Variants in DLG2 observed in about 807,000 individuals in gnomAD.
The protein encoded by DLG2 is disks large homolog 2.
A neutral mutation model predicts 132.5 loss-of-function variants in DLG2; 45 were observed. The ratio of observed to expected loss-of-function variants is 0.34; its 90% CI spans 0.27 to 0.44. The LOEUF is 0.44. Among genes scored for constraint, DLG2 ranks in the 20% least tolerant of loss-of-function variants. DLG2 has a pLI of 1.00. For synonymous variants in DLG2, 424 were observed against 419.6 expected, an observed-to-expected ratio of 1.01 and a Z score of -0.13; for missense variants, 1,045 against 1,196.9, an observed-to-expected ratio of 0.87 and a Z score of 1.87.
chr11:84,251,241 A>G lies in DLG2; in HGVS notation c.570T>C (p.Pro190=). Residue 190 remains proline, a synonymous_variant, in exon 8 of 28, where the codon CCT becomes CCC. Coordinates refer to ENST00000376104, the MANE Select transcript of DLG2 (RefSeq NM_001142699.3). ...TAGTAATGAAAAAGTTACTTACATAAGGAATTGTGTCCAAAGTATCTGTGT... is the reference window on the plus strand; with the variant it reads ...TAGTAATGAAAAAGTTACTTACATAGGGAATTGTGTCCAAAGTATCTGTGT... The part of the protein sequence containing the change: ...IVNTDTLDTI[P]YVNGTEIEYE... 2.5e-6 allele frequency: 4 copies of G among 1,580,796 alleles called. No individual in the cohort carries two copies. Among genetic ancestry groups the G allele is most frequent in the Non-Finnish European group, 3.4e-6 (4 of 1,166,490 alleles).
chr11:85,348,417 G>A (rs1307241832), intron 3 of DLG2, among the ~76,000 whole-genome samples: 1 of 151,604 alleles, frequency 6.6e-6, no homozygotes, highest in Admixed American at 6.6e-5. Flanking sequence ...TAGAGACAGG[G>A]TTTCATCATG....
intron 8 of DLG2, among the ~76,000 whole-genome samples, chr11:84,164,130 A>G (rs553428619): frequency 6.6e-6 from 1 of 152,212 alleles, no homozygotes; most frequent in Non-Finnish European, 1.5e-5. Flanking sequence ...TGAAATGCTT[A>G]GTGACGAATT....
At chr11:85,346,496 T>G (rs908103961) in intron 3 of DLG2, among the ~76,000 whole-genome samples, 1 of 152,128 alleles carries the variant, frequency 6.6e-6, no homozygotes, top group African/African-American at 2.4e-5. Context: ...CCAATTTTCT[T>G]AATTACTATA....
intron 15 of DLG2, among the ~76,000 whole-genome samples, chr11:83,900,426 A>C (rs574976461): frequency 2.0e-5 from 3 of 152,182 alleles, no homozygotes; most frequent in Admixed American, 1.3e-4. Flanking sequence ...CAGAGGCCAA[A>C]GAGAAAAAAG....
At chr11:83,606,891 C>T (rs1020982736) in intron 19 of DLG2, among the ~76,000 whole-genome samples, 7 of 152,004 alleles carry the variant, frequency 4.6e-5, no homozygotes, top group Non-Finnish European at 7.4e-5. Flanking sequence ...CGCGCCACTG[C>T]ACTCCAGCCT....
At chr11:84,119,967 A>G (rs1301356093) in intron 9 of DLG2, among the ~76,000 whole-genome samples, 1 of 152,200 alleles carries the variant, frequency 6.6e-6, no homozygotes, top group Non-Finnish European at 1.5e-5. Flanking sequence ...TGTAGGCAGC[A>G]TACTTTGCAT....
At chr11:84,499,610 A>G (rs546875432) in intron 7 of DLG2, among the ~76,000 whole-genome samples, 1 of 152,316 alleles carries the variant, frequency 6.6e-6, no homozygotes, top group East Asian at 1.9e-4. Flanking sequence ...AAAGATTAAC[A>G]GTTTTTACTT....
intron 17 of DLG2, among the ~76,000 whole-genome samples, chr11:83,819,693 AG>A (rs2050202288): frequency 1.3e-5 from 2 of 152,102 alleles, no homozygotes; most frequent in Non-Finnish European, 2.9e-5. Context: ...TTGGTCCATC[AG>A]GAAAGTTTCC....
chr11:84,296,945 G>T (rs1185080845), intron 7 of DLG2, among the ~76,000 whole-genome samples: 4 of 151,944 alleles, frequency 2.6e-5, no homozygotes, highest in Non-Finnish European at 5.9e-5. Flanking sequence ...TTAGAGAAAG[G>T]GTCAAGACCT....
intron 6 of DLG2, among the ~76,000 whole-genome samples, chr11:84,609,869 A>C (rs771416846): frequency 4.2e-4 from 64 of 152,188 alleles, no homozygotes; most frequent in Non-Finnish European, 6.2e-4. Flanking sequence ...AATTATCTAT[A>C]AGAATATAAT....
intron 19 of DLG2, among the ~76,000 whole-genome samples, chr11:83,606,689 A>G (rs1231377987): frequency 1.3e-5 from 2 of 151,710 alleles, no homozygotes; most frequent in Non-Finnish European, 2.9e-5. Flanking sequence ...GCACTTTGGG[A>G]GGCTGAGGCG....
At chr11:84,494,365 T>C (rs77908572) in intron 7 of DLG2, among the ~76,000 whole-genome samples, 4,847 of 152,222 alleles carry the variant, frequency 0.032, 215 homozygotes, top group African/African-American at 0.1. Context: ...CAAATACTAC[T>C]TTTGTCTAGG....
chr11:85,005,210 G>C (rs890629121), intron 6 of DLG2, among the ~76,000 whole-genome samples: 10 of 152,192 alleles, frequency 6.6e-5, no homozygotes, highest in Non-Finnish European at 1.0e-4. Context: ...GGCTATACAG[G>C]CTGTTGTTTG....
chr11:84,853,668 G>T (rs1180060242), intron 6 of DLG2, among the ~76,000 whole-genome samples: 1 of 151,916 alleles, frequency 6.6e-6, no homozygotes, highest in Non-Finnish European at 1.5e-5. Context: ...CATGACATTA[G>T]CAACAATCCT....
chr11:84,024,351 T>C (rs1255115926), intron 11 of DLG2, among the ~76,000 whole-genome samples: 1 of 152,156 alleles, frequency 6.6e-6, no homozygotes, highest in Non-Finnish European at 1.5e-5. Context: ...CCTAGCAGCA[T>C]CACAGGCAAA....
intron 18 of DLG2, among the ~76,000 whole-genome samples, chr11:83,719,282 G>A (rs2087678699): frequency 6.6e-6 from 1 of 152,206 alleles, no homozygotes; most frequent in Admixed American, 6.5e-5. Context: ...ACTATTAGCA[G>A]AAATGGAAGA....
chr11:85,047,191 C>T (rs2062430292), intron 6 of DLG2, among the ~76,000 whole-genome samples: 1 of 151,890 alleles, frequency 6.6e-6, no homozygotes, highest in Non-Finnish European at 1.5e-5. Flanking sequence ...GACACTAAGA[C>T]TATATTTACC....
intron 6 of DLG2, among the ~76,000 whole-genome samples, chr11:84,947,394 G>A (rs1230341996): frequency 2.0e-5 from 3 of 152,172 alleles, no homozygotes; most frequent in Non-Finnish European, 2.9e-5. Flanking sequence ...GTCAATGACT[G>A]CCAGCTTCCC....
intron 4 of DLG2, among the ~76,000 whole-genome samples, chr11:85,243,080 C>T (rs185191165): frequency 6.6e-6 from 1 of 152,058 alleles, no homozygotes; most frequent in African/African-American, 2.4e-5. Context: ...AATTTTACCG[C>T]TCATAGCCTA....
Sources: allele counts gnomAD v4.1 joint callset (sites outside exome capture counted in the v4.1 genomes callset), GRCh38; gene constraint gnomAD v4.1.1; transcripts MANE v1.5; gene names NCBI Gene and HGNC (gene_info 2026-07-23, HGNC 2026-07-21).